The following ADAM9 variants were observed in gnomAD, a reference collection of about 807,000 sequenced individuals.
ADAM9 encodes disintegrin and metalloproteinase domain-containing protein 9.
In ADAM9, 54 loss-of-function variants were observed where a neutral mutation model predicts 108.1. The ratio of observed to expected loss-of-function variants is 0.50; its 90% CI spans 0.40 to 0.63. ADAM9 has a LOEUF of 0.63. Ranked by LOEUF, ADAM9 falls within the 20% of genes least tolerant of loss-of-function variation. ADAM9 has a pLI of 0.00. For synonymous variants in ADAM9, 316 were observed against 336.0 expected (o/e 0.94, Z 0.65); for missense variants, 830 against 997.7 (o/e 0.83, Z 2.26).
At chr8:39,022,780 C>G (rs1244285670) in intron 8 of ADAM9, among the ~76,000 whole-genome samples, 2 of 151,976 alleles carry the variant, frequency 1.3e-5, no homozygotes, top group East Asian at 3.9e-4. Context: ...GTGGCGCAAT[C>G]TCGGCTCACT....
chr8:39,097,309 C>CTT (rs369116377), intron 20 of ADAM9, among the ~76,000 whole-genome samples: 50 of 139,384 alleles, frequency 3.6e-4, no homozygotes, highest in Admixed American at 6.5e-4. Context: ...GTCTCTCTGA[C>CTT]TTTTTTTTTT....
At chr8:39,038,502 C>T (rs1210216927) in intron 11 of ADAM9, among the ~76,000 whole-genome samples, 1 of 152,174 alleles carries the variant, frequency 6.6e-6, no homozygotes, top group Non-Finnish European at 1.5e-5. Context: ...CTGCAGAGCT[C>T]ATCACACCCA....
At chr8:39,046,783 T>C (rs1837789567) in intron 12 of ADAM9, among the ~76,000 whole-genome samples, 2 of 152,058 alleles carry the variant, frequency 1.3e-5, no homozygotes, top group African/African-American at 4.8e-5. Context: ...AAATTTTTTT[T>C]TTTTTGAGAC....
intron 20 of ADAM9, among the ~76,000 whole-genome samples, chr8:39,099,807 AG>A (rs1234627133): frequency 6.6e-6 from 1 of 150,926 alleles, no homozygotes; most frequent in Non-Finnish European, 1.5e-5. Flanking sequence ...TGTAATCTTT[AG>A]CTTGTTTTCA....
At chr8:39,012,491 G>A (rs1284583971) in intron 3 of ADAM9, among the ~76,000 whole-genome samples, 3 of 152,168 alleles carry the variant, frequency 2.0e-5, no homozygotes, top group Non-Finnish European at 2.9e-5. Context: ...AAAGACACAT[G>A]CACACATATG....
At chr8:39,063,070 A>G (rs554294749) in intron 14 of ADAM9, among the ~76,000 whole-genome samples, 5 of 152,292 alleles carry the variant, frequency 3.3e-5, no homozygotes, top group Non-Finnish European at 7.4e-5. Context: ...GTGAGTCCTC[A>G]CCAATGAATT....
At position 39,083,163 on chromosome 8, in the gene ADAM9, C is replaced by T. The variant is rs1839075580; in HGVS notation, c.2068+90C>T. ...CGTACCTCTCCCTCACTTCCCACAT[C>T]AGTTATACATTTAATTATGTTGATT... On this transcript the variant is annotated intron_variant, in intron 18 of 21. Transcript: ENST00000487273. The T allele has an allele frequency of 4.4e-6, 4 of 900,470 alleles. No individual in the cohort carries two copies. The South Asian group carries it at 5.5e-5, about 12-fold the overall frequency. 55.8% of individuals were successfully genotyped at this position (900,470 alleles called of 1,614,324 possible).
chr8:39,030,683 C>G (rs1837069194), intron 11 of ADAM9, among the ~76,000 whole-genome samples: 1 of 152,166 alleles, frequency 6.6e-6, no homozygotes, highest in Admixed American at 6.5e-5. Context: ...AATTGTCTTC[C>G]AAAGTAGCTA....
chr8:39,034,852 GA>G (rs1040453400), intron 11 of ADAM9, among the ~76,000 whole-genome samples: 10 of 151,592 alleles, frequency 6.6e-5, no homozygotes, highest in African/African-American at 1.9e-4. Flanking sequence ...GTTGTAGAAA[GA>G]AAAAAATATA....
chr8:39,035,347 C>G (rs1011595471), intron 11 of ADAM9, among the ~76,000 whole-genome samples: 1 of 152,070 alleles, frequency 6.6e-6, no homozygotes, highest in Non-Finnish European at 1.5e-5. Context: ...ATGCTTGTCA[C>G]TTTTGTCTCT....
chr8:39,067,251 A>G (rs1327713392), intron 14 of ADAM9, among the ~76,000 whole-genome samples: 2 of 152,174 alleles, frequency 1.3e-5, no homozygotes, highest in Non-Finnish European at 2.9e-5. Flanking sequence ...TTTTGGTTCC[A>G]TATGAACTTT....
At chr8:39,024,646 A>G (rs79168422) in intron 9 of ADAM9, among the ~76,000 whole-genome samples, 1 of 152,128 alleles carries the variant, frequency 6.6e-6, no homozygotes, top group Non-Finnish European at 1.5e-5. Flanking sequence ...GGATTTATCC[A>G]TTCATTTAAA....
chr8:39,088,641 A>G (rs1839250955), intron 18 of ADAM9, among the ~76,000 whole-genome samples: 1 of 152,192 alleles, frequency 6.6e-6, no homozygotes, highest in African/African-American at 2.4e-5. Flanking sequence ...GTTTATATCT[A>G]CTATATTGTT....
At position 39,083,069 on chromosome 8, in the gene ADAM9, C is replaced by T. The variant is rs539553571; in HGVS notation, c.2064C>T (p.Tyr688=). 6 of 1,613,140 alleles carry T rather than the reference C, an allele frequency of 3.7e-6. No individual in the cohort carries two copies. Among genetic ancestry groups the T allele is most frequent in the East Asian group, 4.5e-5 (2 of 44,848 alleles). The change falls in exon 18 of 22, where the codon TAC becomes TAT. Residue 688 remains tyrosine, a synonymous_variant. Coordinates refer to ENST00000487273, the MANE Select transcript of ADAM9 (RefSeq NM_003816.3). ...YGGSVDSGPT[Y]NEMNTALRDG... The stretch of plus-strand genomic sequence containing the variant: ...GAAGTGTGGACAGTGGACCTACATA[C>T]AATGGCAAGTAATATAGAAGAAAAT...
In ADAM9 at chr8:39,090,099, T is replaced by C. The variant is rs777147978; in HGVS notation, c.2121T>C (p.Val707=). ...TTCTGGTCTTCTTCTTCCTAATTGT[T>C]CCCCTTATTGTCTGTGCTATTTTTA... The part of the protein sequence containing the change: ...DGLLVFFFLI[V]PLIVCAIFIF... Residue 707 remains valine, a synonymous_variant, in exon 19 of 22, where the codon GTT becomes GTC. Transcript: ENST00000487273. 1.2e-6 allele frequency: 2 copies of C among 1,613,912 alleles called. No homozygotes were observed. Among genetic ancestry groups the C allele is most frequent in the East Asian group, 4.5e-5 (2 of 44,830 alleles).
At chr8:39,012,396 C>T (rs181577014) in intron 3 of ADAM9, among the ~76,000 whole-genome samples, 2 of 152,294 alleles carry the variant, frequency 1.3e-5, no homozygotes, top group African/African-American at 4.8e-5. Context: ...GGCGATTCCT[C>T]AAGGATCTAG....
chr8:39,021,903 G>A (rs894314973), intron 8 of ADAM9, among the ~76,000 whole-genome samples, 189 bp downstream of exon 8: 1 of 152,138 alleles, frequency 6.6e-6, no homozygotes, highest in Non-Finnish European at 1.5e-5. Context: ...AGTGTAGAAA[G>A]ACTGAGAAGA....
chr8:39,103,581 A>C, intron 21 of ADAM9, 26 bp from the exon 22 acceptor site: 1 of 1,602,810 alleles, frequency 6.2e-7, no homozygotes, highest in Non-Finnish European at 8.5e-7. Flanking sequence ...TAAACACTCT[A>C]TTAACTATCT....
intron 14 of ADAM9, among the ~76,000 whole-genome samples, chr8:39,064,122 A>T (rs1838383547): frequency 6.6e-6 from 1 of 152,224 alleles, no homozygotes; most frequent in South Asian, 2.1e-4. Context: ...GGCATCATAT[A>T]CATAGTTACC....
Sources: allele counts gnomAD v4.1 joint callset (sites outside exome capture counted in the v4.1 genomes callset), GRCh38; gene constraint gnomAD v4.1.1; transcripts MANE v1.5; gene names NCBI Gene and HGNC (gene_info 2026-07-23, HGNC 2026-07-21).